DOCK1: variants seen among roughly 807,000 people sequenced by gnomAD.
DOCK1 encodes the protein dedicator of cytokinesis 1.
A neutral mutation model predicts 262.7 loss-of-function variants in DOCK1; 138 were observed. The observed-to-expected ratio is 0.53, with a 90% CI of 0.46 to 0.61. DOCK1 has a LOEUF of 0.61. Ranked by LOEUF, DOCK1 falls within the 20% of genes least tolerant of loss-of-function variation. DOCK1 has a pLI of 0.00. For synonymous variants in DOCK1, 866 were observed against 867.4 expected (o/e 1.00, Z 0.03); for missense variants, 1,908 against 2,370.7 (o/e 0.80, Z 4.05).
At chr10:127,296,017 G>T (rs1162697466) in intron 29 of DOCK1, among the ~76,000 whole-genome samples, 1 of 152,210 alleles carries the variant, frequency 6.6e-6, no homozygotes, top group Non-Finnish European at 1.5e-5. Context: ...GCATGCTGTT[G>T]CTGTGTGGTT....
intron 27 of DOCK1, among the ~76,000 whole-genome samples, chr10:127,217,013 C>T (rs1245358860): frequency 6.6e-6 from 1 of 151,910 alleles, no homozygotes; most frequent in African/African-American, 2.4e-5. Flanking sequence ...TTTTTAGTTT[C>T]ATGGAGGCTA....
At position 127,222,628 on chromosome 10, in the gene DOCK1, T is replaced by TTTGTGTTGTGTTGTGTTGTG. The variant is rs71032542; in HGVS notation, c.2848-25344_2848-25325dup. ...CATTTCATTCCTCCTGTGTTTTTGT[T>TTTGTGTTGTGTTGTGTTGTG]TTGTGTTGTGTTGTGTTGTGTTGTG... On this transcript the variant is annotated intron_variant, in intron 27 of 51. Transcript: ENST00000623213. Among the ~76,000 whole-genome samples, 34 of 145,648 alleles carry TTTGTGTTGTGTTGTGTTGTG rather than the reference T, an allele frequency of 2.3e-4. 1 individual carries two copies. Among genetic ancestry groups the TTTGTGTTGTGTTGTGTTGTG allele is most frequent in the Middle Eastern group, 6.9e-3 (2 of 288 alleles).
intron 36 of DOCK1, among the ~76,000 whole-genome samples, chr10:127,380,792 A>G (rs1284809356): frequency 6.6e-6 from 1 of 152,200 alleles, no homozygotes; most frequent in Non-Finnish European, 1.5e-5. Context: ...GTGATTGTCT[A>G]ATTTTCTATT....
chr10:126,925,927 G>A (rs1241138652), intron 1 of DOCK1, among the ~76,000 whole-genome samples: 1 of 152,026 alleles, frequency 6.6e-6, no homozygotes, highest in East Asian at 1.9e-4. Context: ...GTAACACTGA[G>A]AATCTTTGGC....
chr10:127,337,389 C>T (rs182598358), intron 29 of DOCK1, among the ~76,000 whole-genome samples: 4 of 152,266 alleles, frequency 2.6e-5, no homozygotes, highest in Admixed American at 2.0e-4. Context: ...GCCAGGCATC[C>T]CGTATATGCA....
In DOCK1 at chr10:126,963,628, C is replaced by CCTT. The variant is rs1342194570; in HGVS notation, c.47-7073_47-7072insTTC. ...CCCTTCCCTTCCCTTCCCTTCCCTT[C>CCTT]CCTTCCCTTCCCTCCTTCCTTCCTT... On this transcript the variant is annotated intron_variant, in intron 1 of 51. Coordinates refer to ENST00000623213, the MANE Select transcript of DOCK1 (RefSeq NM_001290223.2). Among the ~76,000 whole-genome samples, 406 of 62,556 alleles carry CCTT rather than the reference C, an allele frequency of 6.5e-3. 20 individuals are homozygous for CCTT. Among genetic ancestry groups the CCTT allele is most frequent in the African/African-American group, 0.038 (388 of 10,158 alleles). 41.0% of individuals were successfully genotyped at this position (62,556 alleles called of 152,430 possible).
chr10:127,374,608 A>G (rs994373776), intron 35 of DOCK1, among the ~76,000 whole-genome samples: 3 of 152,194 alleles, frequency 2.0e-5, no homozygotes, highest in East Asian at 3.9e-4. Flanking sequence ...GAACCTGTGA[A>G]TGAGACCTTA....
rs148790020 is a variant in DOCK1, at chr10:127,361,505, C to T, written c.3284-559C>T. Among the ~76,000 whole-genome samples, 258 of 152,236 alleles carry T rather than the reference C, an allele frequency of 1.7e-3. 2 individuals carry two copies. The highest frequency in any genetic ancestry group is 5.9e-3 in the African/African-American group (245 of 41,512). ...TTTTTAGGGTTTCAGCCTCAGATTC[C>T]GGCGCCTTGATTTACTTTGATTGGA... On this transcript the variant is annotated intron_variant, in intron 32 of 51. Coordinates refer to ENST00000623213, the MANE Select transcript of DOCK1 (RefSeq NM_001290223.2).
chr10:127,207,890 T>G (rs2057795023), intron 27 of DOCK1, among the ~76,000 whole-genome samples: 2 of 152,200 alleles, frequency 1.3e-5, no homozygotes. Context: ...CATAAGTTGT[T>G]GGACAGAATT....
At chr10:127,198,947 G>A (rs1316499958) in intron 27 of DOCK1, among the ~76,000 whole-genome samples, 1 of 151,818 alleles carries the variant, frequency 6.6e-6, no homozygotes, top group Non-Finnish European at 1.5e-5. Flanking sequence ...TGGAGAGAAG[G>A]GAGTTTCAGC....
intron 23 of DOCK1, among the ~76,000 whole-genome samples, chr10:127,093,991 A>G (rs921477203): frequency 6.6e-6 from 1 of 152,014 alleles, no homozygotes; most frequent in Non-Finnish European, 1.5e-5. Context: ...CCCTTTTACA[A>G]TGACCCAGTC....
intron 1 of DOCK1, among the ~76,000 whole-genome samples, chr10:126,915,585 T>G (rs1285376540): frequency 6.6e-6 from 1 of 152,082 alleles, no homozygotes; most frequent in African/African-American, 2.4e-5. Context: ...CATCTGGTAA[T>G]TTTTTGTATT....
chr10:127,042,193 T>A (rs1190273126), intron 19 of DOCK1, among the ~76,000 whole-genome samples: 1 of 152,220 alleles, frequency 6.6e-6, no homozygotes, highest in African/African-American at 2.4e-5. Context: ...GCACCCTGGT[T>A]GGTAGAAGGT....
intron 23 of DOCK1, among the ~76,000 whole-genome samples, chr10:127,105,044 C>G (rs2048452557): frequency 6.6e-6 from 1 of 152,164 alleles, no homozygotes. Flanking sequence ...TCATGAGCAG[C>G]AGGTTTTTCC....
chr10:126,914,927 A>G (rs2032286353), intron 1 of DOCK1, among the ~76,000 whole-genome samples: 1 of 151,874 alleles, frequency 6.6e-6, no homozygotes, highest in Admixed American at 6.6e-5. Context: ...TCCCCATTCA[A>G]CCTGTAGATG....
chr10:127,073,569 A>T (rs2046351286), intron 23 of DOCK1, among the ~76,000 whole-genome samples: 1 of 152,234 alleles, frequency 6.6e-6, no homozygotes, highest in Admixed American at 6.5e-5. Flanking sequence ...TCTCCATTTG[A>T]GGGAAAAGTG....
intron 50 of DOCK1, among the ~76,000 whole-genome samples, chr10:127,444,987 G>A (rs1458501935): frequency 6.6e-6 from 1 of 151,856 alleles, no homozygotes; most frequent in Non-Finnish European, 1.5e-5. Context: ...TCAGTCATTG[G>A]ATATAGGGTC....
intron 13 of DOCK1, among the ~76,000 whole-genome samples, chr10:127,022,074 C>A (rs902167193): frequency 1.3e-5 from 2 of 152,058 alleles, no homozygotes; most frequent in Non-Finnish European, 2.9e-5. Context: ...CCCAGTTGGG[C>A]CATTACCAGG....
intron 23 of DOCK1, among the ~76,000 whole-genome samples, chr10:127,066,519 G>T (rs980986180): frequency 2.6e-5 from 4 of 152,120 alleles, no homozygotes; most frequent in African/African-American, 9.7e-5. Flanking sequence ...AGATTCCAGT[G>T]TGTGACATCC....
Sources: gnomAD v4.1 joint callset for allele counts (sites outside exome capture counted in the v4.1 genomes callset) on GRCh38, gnomAD v4.1.1 for gene constraint, MANE v1.5 for transcripts, NCBI Gene and HGNC (gene_info 2026-07-23, HGNC 2026-07-21) for gene names.